Variants in TANC1 observed in about 807,000 individuals in gnomAD.
TANC1 encodes tetratricopeptide repeat, ankyrin repeat and coiled-coil containing 1.
A neutral mutation model predicts 149.7 loss-of-function variants in TANC1; 77 were observed. The observed-to-expected ratio is 0.51, with a 90% CI of 0.43 to 0.62. TANC1 has a LOEUF of 0.62. TANC1 is among the 20% of genes least tolerant of loss of function. TANC1 has a pLI of 0.00. For synonymous variants in TANC1, 854 were observed against 925.0 expected (o/e 0.92, Z 1.39); for missense variants, 1,985 against 2,321.8 (o/e 0.85, Z 2.98).
chr2:159,167,375 G>A (rs2054711548), intron 8 of TANC1, among the ~76,000 whole-genome samples: 1 of 152,190 alleles, frequency 6.6e-6, no homozygotes, highest in Admixed American at 6.5e-5. Flanking sequence ...AGGTAAGAAG[G>A]TTTGGGGAAG....
intron 7 of TANC1, among the ~76,000 whole-genome samples, chr2:159,152,819 A>T (rs992534877): frequency 1.3e-5 from 2 of 152,046 alleles, no homozygotes; most frequent in Non-Finnish European, 1.5e-5. Context: ...CCATTCGTTT[A>T]TTTCTCTTTC....
intron 2 of TANC1, among the ~76,000 whole-genome samples, chr2:159,026,010 C>T (rs551595949): frequency 1.9e-4 from 29 of 152,210 alleles, no homozygotes; most frequent in Non-Finnish European, 3.2e-4. Context: ...TCATAGCTCA[C>T]TGAAGCCTCC....
At chr2:159,042,336 G>T (rs2040710174) in intron 2 of TANC1, among the ~76,000 whole-genome samples, 1 of 152,154 alleles carries the variant, frequency 6.6e-6, no homozygotes, top group Non-Finnish European at 1.5e-5. Context: ...TTGGGCAGGA[G>T]CCTAGTTGGT....
At chr2:159,084,903 A>G (rs2044679179) in intron 3 of TANC1, among the ~76,000 whole-genome samples, 1 of 152,170 alleles carries the variant, frequency 6.6e-6, no homozygotes, top group Non-Finnish European at 1.5e-5. Flanking sequence ...GCTGGGTTCA[A>G]TTCCGGATCT....
intron 8 of TANC1, 62 bp from the exon 9 acceptor site, chr2:159,169,188 T>C (rs2054913596): frequency 6.5e-6 from 9 of 1,378,928 alleles, no homozygotes; most frequent in Non-Finnish European, 9.2e-6. Flanking sequence ...TAAGTTATAG[T>C]CACTTAGGTA....
At chr2:159,212,728 C>T (rs988469919) in intron 19 of TANC1, among the ~76,000 whole-genome samples, 1 of 152,094 alleles carries the variant, frequency 6.6e-6, no homozygotes. Flanking sequence ...GGAGACCATC[C>T]TGGCCAACAT....
intron 2 of TANC1, among the ~76,000 whole-genome samples, chr2:159,018,676 C>T (rs2038515570): frequency 6.6e-6 from 1 of 152,186 alleles, no homozygotes; most frequent in Non-Finnish European, 1.5e-5. Flanking sequence ...CCCCTCTAAC[C>T]TCTATTCTAC....
At chr2:158,972,250 C>A (rs1469753868) in intron 1 of TANC1, among the ~76,000 whole-genome samples, 1 of 152,194 alleles carries the variant, frequency 6.6e-6, no homozygotes, top group African/African-American at 2.4e-5. Context: ...ATCTGTACCT[C>A]TTTTTAAAAA....
At chr2:159,075,183 A>G (rs1008854370) in intron 3 of TANC1, among the ~76,000 whole-genome samples, 9 of 152,210 alleles carry the variant, frequency 5.9e-5, no homozygotes, top group Non-Finnish European at 1.3e-4. Flanking sequence ...TGTTTATTAC[A>G]CTTAAGATTT....
Position 159,059,931 on chromosome 2 carries a change from G to GT in TANC1, c.-15-5959dup, listed in dbSNP as rs1409962105. On this transcript the variant is annotated intron_variant, in intron 2 of 26. Transcript: ENST00000263635. ...GTGTGTGTGTGTGTGTGTGTGTGTG[G>GT]TTTTTTGTTGTTGTTGTTTTTTTTT... 5.9e-3 allele frequency among the ~76,000 whole-genome samples: 227 copies of GT among 38,662 alleles called. 2 individuals are homozygous for GT. The highest frequency in any genetic ancestry group is 9.1e-3 in the Non-Finnish European group (162 of 17,816). 25.4% of individuals were successfully genotyped at this position (38,662 alleles called of 152,430 possible). A position where few individuals can be genotyped will look rare whatever the true frequency, so the allele number is the denominator to read the frequency against.
At chr2:159,174,928 T>G in intron 11 of TANC1, 25 bp from the exon 12 acceptor site, 2 of 1,581,360 alleles carry the variant, frequency 1.3e-6, no homozygotes, top group Non-Finnish European at 1.7e-6. Context: ...GGTGAGGTGA[T>G]GCTGACGGTT....
chr2:158,974,289 T>A (rs935451287), intron 1 of TANC1, among the ~76,000 whole-genome samples: 2 of 152,200 alleles, frequency 1.3e-5, no homozygotes, highest in Non-Finnish European at 2.9e-5. Context: ...TGCAATAGTT[T>A]ACAACATTAT....
At chr2:159,144,948 A>G (rs2051894159) in intron 5 of TANC1, among the ~76,000 whole-genome samples, 1 of 152,224 alleles carries the variant, frequency 6.6e-6, no homozygotes, top group Non-Finnish European at 1.5e-5. Context: ...TCGAGGTCAC[A>G]TGGTGATAGG....
chr2:159,010,516 C>CTCACTCTTGAA (rs2037646563), intron 2 of TANC1, among the ~76,000 whole-genome samples: 1 of 152,046 alleles, frequency 6.6e-6, no homozygotes, highest in African/African-American at 2.4e-5. Flanking sequence ...AAGTGGAGGC[C>CTCACTCTTGAA]GTGGGTGCGT....
At chr2:159,195,025 A>T (rs2057744226) in intron 17 of TANC1, among the ~76,000 whole-genome samples, 1 of 152,208 alleles carries the variant, frequency 6.6e-6, no homozygotes, top group Admixed American at 6.5e-5. Flanking sequence ...TTATCTGTAA[A>T]ATGGGCATAA....
intron 8 of TANC1, among the ~76,000 whole-genome samples, chr2:159,168,548 C>T (rs778246415): frequency 2.6e-5 from 4 of 152,004 alleles, no homozygotes; most frequent in African/African-American, 4.8e-5. Context: ...GCGATCCACC[C>T]GCCCCAGCCT....
At chr2:158,993,333 C>T (rs2035849991) in intron 1 of TANC1, among the ~76,000 whole-genome samples, 2 of 152,182 alleles carry the variant, frequency 1.3e-5, no homozygotes, top group Admixed American at 1.3e-4. Context: ...GATCAGCTTA[C>T]TTGAGCCTCC....
intron 2 of TANC1, among the ~76,000 whole-genome samples, chr2:159,017,417 C>T (rs1360941456): frequency 1.3e-5 from 2 of 152,140 alleles, no homozygotes; most frequent in Admixed American, 6.5e-5. Flanking sequence ...AAGAAATTCC[C>T]AAATGCAGTG....
chr2:159,062,543 T>C (rs2042306410), intron 2 of TANC1, among the ~76,000 whole-genome samples: 1 of 152,222 alleles, frequency 6.6e-6, no homozygotes, highest in Admixed American at 6.5e-5. Flanking sequence ...GCCTGCTGGC[T>C]GCCTACACAG....
Sources: allele counts gnomAD v4.1 joint callset (sites outside exome capture counted in the v4.1 genomes callset), GRCh38; gene constraint gnomAD v4.1.1; transcripts MANE v1.5; gene names NCBI Gene and HGNC (gene_info 2026-07-23, HGNC 2026-07-21).